NFATC1: variants seen among roughly 807,000 people sequenced by gnomAD.
NFATC1 encodes the protein nuclear factor of activated T-cells, cytoplasmic 1.
A neutral mutation model predicts 76.0 loss-of-function variants in NFATC1; 22 were observed. The observed-to-expected ratio is 0.29, with a 90% CI of 0.21 to 0.41. The LOEUF (loss-of-function observed/expected upper bound fraction) is 0.41. Ranked by LOEUF, NFATC1 falls within the 10% of genes least tolerant of loss-of-function variation. The pLI is 1.00. For missense variants in NFATC1, 1,357 were observed against 1,337.7 expected (o/e 1.01, Z -0.23); for synonymous variants, 704 against 613.1 (o/e 1.15, Z -2.19).
At chr18:79,515,357 AAG>A (rs1188213006) in intron 9 of NFATC1, among the ~76,000 whole-genome samples, 25 of 150,412 alleles carry the variant, frequency 1.7e-4, no homozygotes, top group Non-Finnish European at 3.1e-4. Context: ...AAAAAAAAAA[AAG>A]AAGGAAGGCA....
In NFATC1 at chr18:79,451,922, G is replaced by A. The variant is rs1600755460; in HGVS notation, c.1903+106G>A. ...CACCTGTGCACGGTCACCGGGACGG[G>A]GCTTATGGGGTGTGGCACGGAGCAG... is the stretch of plus-strand genomic sequence containing the variant. On this transcript the variant is annotated intron_variant, in intron 6 of 9. Transcript: ENST00000427363. 17 of 1,389,260 alleles carry A rather than the reference G, an allele frequency of 1.2e-5. No individual in the cohort carries two copies. In the East Asian group the frequency reaches 4.0e-4, roughly 32 times the overall value. 86.1% of individuals were successfully genotyped at this position (1,389,260 alleles called of 1,614,324 possible). A position where few individuals can be genotyped will look rare whatever the true frequency, so the allele number is the denominator to read the frequency against.
intron 9 of NFATC1, chr18:79,498,166 T>C (rs2089938217): frequency 6.6e-6 from 1 of 150,892 alleles, no homozygotes; most frequent in Admixed American, 6.6e-5. Flanking sequence ...AACATGAAAA[T>C]ATGTCCCATC....
intron 1 of NFATC1, among the ~76,000 whole-genome samples, chr18:79,403,506 C>T (rs532182985): frequency 3.9e-5 from 6 of 152,328 alleles, no homozygotes; most frequent in East Asian, 1.9e-4. Flanking sequence ...AGCTGGGAGG[C>T]GGGCGTGCCC....
chr18:79,448,647 A>G, intron 3 of NFATC1, 135 bp from the exon 4 acceptor site: 3 of 793,502 alleles, frequency 3.8e-6, no homozygotes, highest in South Asian at 3.4e-5. Flanking sequence ...CCAGTATGAC[A>G]TGGCAGAGAA....
intron 4 of NFATC1, 46 bp from the exon 5 acceptor site, chr18:79,450,908 C>T (rs767286712): frequency 1.3e-5 from 20 of 1,587,094 alleles, no homozygotes; most frequent in East Asian, 1.1e-4. Flanking sequence ...TTTACGCTCC[C>T]GCGTCAGCCA....
intron 9 of NFATC1, among the ~76,000 whole-genome samples, chr18:79,492,901 CTTTTTTTTTTTTT>C (rs10605674): frequency 5.7e-5 from 5 of 87,256 alleles, no homozygotes; most frequent in African/African-American, 2.6e-4. Context: ...ATGAATCCAG[CTTTTTTTTTTTTT>C]TTTTTTTTTT....
intron 3 of NFATC1, among the ~76,000 whole-genome samples, chr18:79,435,749 C>A (rs7505539): frequency 1.8e-4 from 27 of 152,184 alleles, no homozygotes; most frequent in Non-Finnish European, 2.8e-4. Context: ...TTAAAAATAT[C>A]TTTAAAATGT....
Sources: gnomAD v4.1 joint callset for allele counts (sites outside exome capture counted in the v4.1 genomes callset) on GRCh38, gnomAD v4.1.1 for gene constraint, MANE v1.5 for transcripts, NCBI Gene and HGNC (gene_info 2026-07-23, HGNC 2026-07-21) for gene names.